The following NKX1-2 variants were observed in gnomAD, a reference collection of about 807,000 sequenced individuals.
NKX1-2 encodes the protein NK1 homeobox 2.
NKX1-2 carries 1 observed loss-of-function variant against 4.4 expected under a neutral mutation model. The ratio of observed to expected loss-of-function variants is 0.23; its 90% CI spans 0.08 to 1.08. NKX1-2 has a LOEUF of 1.08. NKX1-2 is among the 50% of genes least tolerant of loss of function. The probability of loss-of-function intolerance (pLI) is 0.55; values close to 1 mark genes in which losing one functional copy is unlikely to be tolerated. For synonymous variants in NKX1-2, 235 were observed against 228.0 expected (o/e 1.03, Z -0.28); for missense variants, 503 against 464.6 (o/e 1.08, Z -0.76).
At position 124,447,638 on chromosome 10, in the gene NKX1-2, C is replaced by CCGCCGCCCCT. The variant is rs1952253591; in HGVS notation, c.714_723dup (p.Gly242ArgfsTer156). ...CCCGAGCCGCCGCCGCCGCCGCCCC[C>CCGCCGCCCCT]CGCCGCCCCTGGCTGGGGCGCGCCA... On this transcript the variant is annotated frameshift_variant, in exon 2 of 2. Coordinates refer to ENST00000451024, the MANE Select transcript of NKX1-2 (RefSeq NM_001146340.3). LOFTEE classifies it low-confidence loss of function (END_TRUNC). 1 of 1,296,086 alleles carries CCGCCGCCCCT rather than the reference C, an allele frequency of 7.7e-7. No individual in the cohort carries two copies. 80.3% of individuals were successfully genotyped at this position (1,296,086 alleles called of 1,614,324 possible). A position where few individuals can be genotyped will look rare whatever the true frequency, so the allele number is the denominator to read the frequency against.
In NKX1-2 at chr10:124,445,883, A is replaced by G. The variant is rs928386515; in HGVS notation, c.*1546T>C. ...ATTTTCTATCATTCCTGATAACAGA[A>G]CTAGATATTTCAAGATCATAGTCAT... On this transcript the variant is annotated 3_prime_UTR_variant, in exon 2 of 2. Coordinates refer to ENST00000451024, the MANE Select transcript of NKX1-2 (RefSeq NM_001146340.3). 1 of 152,234 alleles carries G rather than the reference A, an allele frequency of 6.6e-6. No homozygotes were observed. Among genetic ancestry groups the G allele is most frequent in the Non-Finnish European group, 1.5e-5 (1 of 68,044 alleles). The allele number at this position is 152,234 out of a possible 1,614,324, so 9.4% of individuals were successfully genotyped here. A position where few individuals can be genotyped will look rare whatever the true frequency, so the allele number is the denominator to read the frequency against.
Position 124,449,714 on chromosome 10 carries a change from C to A in NKX1-2, c.214+16G>T. The A allele has an allele frequency of 6.5e-7, 1 of 1,540,738 alleles. No homozygotes were observed. The highest frequency in any genetic ancestry group is 2.4e-5 in the East Asian group (1 of 40,876). ...GGGCTGAGGCCTCCTGGGGCCGGGG[C>A]CGCCTTGCATCTTACCAGGGGTCTC... On this transcript the variant is annotated intron_variant, in intron 1 of 1. Coordinates refer to ENST00000451024, the MANE Select transcript of NKX1-2 (RefSeq NM_001146340.3). The surrounding 1 kb of genome is among the most constrained non-coding windows in gnomAD (Gnocchi z 7.5).
chr10:124,449,886 A>C lies in NKX1-2; in HGVS notation c.58T>G (p.Phe20Val), dbSNP rs1236000430. The C allele has an allele frequency of 5.2e-6, 8 of 1,550,900 alleles. No individual in the cohort carries two copies. The highest frequency in any genetic ancestry group is 6.1e-6 in the Non-Finnish European group (7 of 1,146,416). The change falls in exon 1 of 2, where the codon TTC (phenylalanine) becomes GTC (valine). Residue 20 changes from phenylalanine to valine, a missense_variant. Coordinates refer to ENST00000451024, the MANE Select transcript of NKX1-2 (RefSeq NM_001146340.3). The surrounding 1 kb of genome is among the most constrained non-coding windows in gnomAD (Gnocchi z 7.5). ...KAAPSHHKIS[F>V]SVLDILDPQK... ...GGGTCCAGGATGTCCAGGACAGAGA[A>C]AGAAATCTTGTGGTGGGAGGGAGCC...
rs559420137 is a variant in NKX1-2 at position 124,448,375 on chromosome 10, C to G, written c.215-228G>C. The G allele has an allele frequency of 5.7e-6, 3 of 528,258 alleles. No individual in the cohort carries two copies. Among genetic ancestry groups the G allele is most frequent in the East Asian group, 7.1e-5 (2 of 28,186 alleles). 32.7% of individuals were successfully genotyped at this position (528,258 alleles called of 1,614,324 possible). On this transcript the variant is annotated intron_variant, in intron 1 of 1. Coordinates refer to ENST00000451024, the MANE Select transcript of NKX1-2 (RefSeq NM_001146340.3). The surrounding 1 kb of genome is among the most constrained non-coding windows in gnomAD (Gnocchi z 4.1). The stretch of plus-strand genomic sequence containing the variant: ...ATCAAGTAGGCGTCCAAGAAATGTA[C>G]GCCAAATGAATGAATGACACCCCGC...
Position 124,447,626 on chromosome 10 carries a change from C to A in NKX1-2, c.736G>T (p.Gly246Cys). The A allele has an allele frequency of 7.8e-7, 1 of 1,279,592 alleles. No homozygotes were observed. The highest frequency in any genetic ancestry group is 9.9e-7 in the Non-Finnish European group (1 of 1,014,832). The allele number at this position is 1,279,592 out of a possible 1,614,324, so 79.3% of individuals were successfully genotyped here. A position where few individuals can be genotyped will look rare whatever the true frequency, so the allele number is the denominator to read the frequency against. ...CCAGGACTGCCCCCCGAGCCGCCGC[C>A]GCCGCCGCCCCCCGCCGCCCCTGGC... is the stretch of plus-strand genomic sequence containing the variant. Reference protein sequence around the residue: ...PQPGAAGGGGGGGSGGSPGPP... With the variant: ...PQPGAAGGGGCGGSGGSPGPP... The change falls in exon 2 of 2, where the codon GGC becomes TGC. Residue 246 changes from glycine to cysteine, a missense_variant. By Grantham distance (159) the Gly-to-Cys change is radical (BLOSUM62 -3). Coordinates refer to ENST00000451024, the MANE Select transcript of NKX1-2 (RefSeq NM_001146340.3).
Position 124,448,055 on chromosome 10 carries a change from G to A in NKX1-2, c.307C>T (p.Leu103=), listed in dbSNP as rs900819670. 1 of 1,520,790 alleles carries A rather than the reference G, an allele frequency of 6.6e-7. No homozygotes were observed. Among genetic ancestry groups the A allele is most frequent in the Non-Finnish European group, 8.8e-7 (1 of 1,139,560 alleles). 94.2% of individuals were successfully genotyped at this position (1,520,790 alleles called of 1,614,324 possible). Residue 103 remains leucine, a synonymous_variant, in exon 2 of 2, where the codon CTG becomes TTG. Coordinates refer to ENST00000451024, the MANE Select transcript of NKX1-2 (RefSeq NM_001146340.3). This position sits in a 1 kb window ranked among gnomAD's most constrained non-coding sequence, Gnocchi z 4.1. ...AGCAAGCGCGCAGCCCGCTCCCGCA[G>A]CCGCGGCCTCCTCGGATCCTCCGCA... ...EDAEDPRRPR[L]RERAARLLPG...
chr10:124,447,640 G>GCC lies in NKX1-2; in HGVS notation c.720_721dup (p.Ala241GlyfsTer45), dbSNP rs1952253673. On this transcript the variant is annotated frameshift_variant, in exon 2 of 2. Coordinates refer to ENST00000451024, the MANE Select transcript of NKX1-2 (RefSeq NM_001146340.3). LOFTEE classifies it low-confidence loss of function (END_TRUNC). ...CGAGCCGCCGCCGCCGCCGCCCCCCGCCGCCCCTGGCTGGGGCGCGCCACC... is the reference window on the plus strand; with the variant it reads ...CGAGCCGCCGCCGCCGCCGCCCCCCGCCCCGCCCCTGGCTGGGGCGCGCCACC... The GCC allele has an allele frequency of 7.7e-7, 1 of 1,299,098 alleles. No individual in the cohort carries two copies. The highest frequency in any genetic ancestry group is 9.8e-7 in the Non-Finnish European group (1 of 1,022,878). 80.5% of individuals were successfully genotyped at this position (1,299,098 alleles called of 1,614,324 possible). A position where few individuals can be genotyped will look rare whatever the true frequency, so the allele number is the denominator to read the frequency against.
rs1260550526 is a variant in NKX1-2 at position 124,449,699 on chromosome 10, C to A, written c.214+31G>T. ...CACTCCGCATTGTTGGGGCTGAGGC[C>A]TCCTGGGGCCGGGGCCGCCTTGCAT... is the stretch of plus-strand genomic sequence containing the variant. On this transcript the variant is annotated intron_variant, in intron 1 of 1. Coordinates refer to ENST00000451024, the MANE Select transcript of NKX1-2 (RefSeq NM_001146340.3). This position sits in a 1 kb window ranked among gnomAD's most constrained non-coding sequence, Gnocchi z 7.5. The A allele has an allele frequency of 2.7e-6, 4 of 1,503,808 alleles. No homozygotes were observed. The highest frequency in any genetic ancestry group is 2.4e-5 in the South Asian group (2 of 83,156). The allele number at this position is 1,503,808 out of a possible 1,614,324, so 93.2% of individuals were successfully genotyped here.
At position 124,446,345 on chromosome 10, in the gene NKX1-2, G is replaced by C. The variant is rs1280636140; in HGVS notation, c.*1084C>G. 1 of 152,132 alleles carries C rather than the reference G, an allele frequency of 6.6e-6. No individual in the cohort carries two copies. Among genetic ancestry groups the C allele is most frequent in the Admixed American group, 6.6e-5 (1 of 15,252 alleles). The allele number at this position is 152,132 out of a possible 1,614,324, so 9.4% of individuals were successfully genotyped here. A position where few individuals can be genotyped will look rare whatever the true frequency, so the allele number is the denominator to read the frequency against. Reference sequence around the variant, plus strand: ...GTTCACCACCATAAAGAGTCTGTTTGTAACAAGAATTGTTTTCAAGTCAGA... The same window carrying C: ...GTTCACCACCATAAAGAGTCTGTTTCTAACAAGAATTGTTTTCAAGTCAGA... On this transcript the variant is annotated 3_prime_UTR_variant, in exon 2 of 2. Coordinates refer to ENST00000451024, the MANE Select transcript of NKX1-2 (RefSeq NM_001146340.3).
In NKX1-2 at chr10:124,448,543, TAAA is replaced by T. The variant is rs992693571; in HGVS notation, c.215-399_215-397del. On this transcript the variant is annotated intron_variant, in intron 1 of 1. Transcript: ENST00000451024. This position sits in a 1 kb window ranked among gnomAD's most constrained non-coding sequence, Gnocchi z 4.1. ...ATTTTGATCTAGGACTCCCAGCAATTAAAAAAGAAGTTATTAAGCTCTCTGCCC... is the reference window on the plus strand; with the variant it reads ...ATTTTGATCTAGGACTCCCAGCAATTAAAGAAGTTATTAAGCTCTCTGCCC... 6.2e-6 allele frequency: 1 copy of T among 161,266 alleles called. No homozygotes were observed. The highest frequency in any genetic ancestry group is 1.3e-5 in the Non-Finnish European group (1 of 74,656). 10.0% of individuals were successfully genotyped at this position (161,266 alleles called of 1,614,324 possible).
chr10:124,448,471 A>C lies in NKX1-2; in HGVS notation c.215-324T>G. 1 of 230,302 alleles carries C rather than the reference A, an allele frequency of 4.3e-6. No individual in the cohort carries two copies. The highest frequency in any genetic ancestry group is 8.5e-5 in the East Asian group (1 of 11,696). The allele number at this position is 230,302 out of a possible 1,614,324, so 14.3% of individuals were successfully genotyped here. A position where few individuals can be genotyped will look rare whatever the true frequency, so the allele number is the denominator to read the frequency against. ...AGGATCATTGTATTAAGACATCTAG[A>C]TGTCAAACGCTTTTAGGGCTGTGCC... On this transcript the variant is annotated intron_variant, in intron 1 of 1. Transcript: ENST00000451024. The surrounding 1 kb of genome is among the most constrained non-coding windows in gnomAD (Gnocchi z 4.1).
rs1339732875 is a variant in NKX1-2 at position 124,449,956 on chromosome 10, C to T, written c.-13G>A. ...GCCATGCCAGCATGCCCGTCGCCCACGGGCCGGCGGTCGGCGGCGCGGGGT... is the reference window on the plus strand; with the variant it reads ...GCCATGCCAGCATGCCCGTCGCCCATGGGCCGGCGGTCGGCGGCGCGGGGT... On this transcript the variant is annotated 5_prime_UTR_variant, in exon 1 of 2. It adds an upstream start codon to the 5' untranslated region. Transcript: ENST00000451024. This position sits in a 1 kb window ranked among gnomAD's most constrained non-coding sequence, Gnocchi z 7.5. The T allele has an allele frequency of 2.6e-6, 4 of 1,519,200 alleles. No homozygotes were observed. Among genetic ancestry groups the T allele is most frequent in the South Asian group, 2.4e-5 (2 of 81,636 alleles). 94.1% of individuals were successfully genotyped at this position (1,519,200 alleles called of 1,614,324 possible).
chr10:124,449,478 A>C lies in NKX1-2; in HGVS notation c.214+252T>G. On this transcript the variant is annotated intron_variant, in intron 1 of 1. Transcript: ENST00000451024. This position sits in a 1 kb window ranked among gnomAD's most constrained non-coding sequence, Gnocchi z 7.5. Reference sequence around the variant, plus strand: ...CGCCAGGTAAGTTTCCACCGCGAGCATCAGAACTGTGGTGCGGGTGAGCTT... The same window carrying C: ...CGCCAGGTAAGTTTCCACCGCGAGCCTCAGAACTGTGGTGCGGGTGAGCTT... 1 of 690,394 alleles carries C rather than the reference A, an allele frequency of 1.4e-6. No homozygotes were observed. The highest frequency in any genetic ancestry group is 2.0e-5 in the Admixed American group (1 of 49,586). 42.8% of individuals were successfully genotyped at this position (690,394 alleles called of 1,614,324 possible).
In NKX1-2 at chr10:124,448,844, G is replaced by C. The variant is rs1436642230; in HGVS notation, c.215-697C>G. On this transcript the variant is annotated intron_variant, in intron 1 of 1. Coordinates refer to ENST00000451024, the MANE Select transcript of NKX1-2 (RefSeq NM_001146340.3). This position sits in a 1 kb window ranked among gnomAD's most constrained non-coding sequence, Gnocchi z 4.1. ...GGGCGGCCCCTCGGAGAGAAGATCC[G>C]AACAATTACCAGGCCGCCTGCCTGG... Among the ~76,000 whole-genome samples the C allele has an allele frequency of 3.3e-5, 5 of 152,174 alleles. No homozygotes were observed. The highest frequency in any genetic ancestry group is 7.4e-5 in the Non-Finnish European group (5 of 68,026).
chr10:124,449,495 G>A lies in NKX1-2; in HGVS notation c.214+235C>T, dbSNP rs1228243260. On this transcript the variant is annotated intron_variant, in intron 1 of 1. Coordinates refer to ENST00000451024, the MANE Select transcript of NKX1-2 (RefSeq NM_001146340.3). The surrounding 1 kb of genome is among the most constrained non-coding windows in gnomAD (Gnocchi z 7.5). ...CCGCGAGCATCAGAACTGTGGTGCG[G>A]GTGAGCTTGGCGGGTGAGCAGGGAT... 14 of 694,900 alleles carry A rather than the reference G, an allele frequency of 2.0e-5. No individual in the cohort carries two copies. The highest frequency in any genetic ancestry group is 3.7e-5 in the Non-Finnish European group (14 of 380,580). 43.0% of individuals were successfully genotyped at this position (694,900 alleles called of 1,614,324 possible). A position where few individuals can be genotyped will look rare whatever the true frequency, so the allele number is the denominator to read the frequency against.
In NKX1-2 at chr10:124,448,246, G is replaced by A; in HGVS notation, c.215-99C>T. On this transcript the variant is annotated intron_variant, in intron 1 of 1. Transcript: ENST00000451024. The surrounding 1 kb of genome is among the most constrained non-coding windows in gnomAD (Gnocchi z 4.1). ...GCAGCTGTCCCCCCAACCCAACTCT[G>A]GGTGCTGCTCCTGTCCCCACATCGC... 1 of 1,339,748 alleles carries A rather than the reference G, an allele frequency of 7.5e-7. No homozygotes were observed. The highest frequency in any genetic ancestry group is 9.5e-7 in the Non-Finnish European group (1 of 1,049,612). 83.0% of individuals were successfully genotyped at this position (1,339,748 alleles called of 1,614,324 possible).
chr10:124,448,159 G>A lies in NKX1-2; in HGVS notation c.215-12C>T. 6.9e-7 allele frequency: 1 copy of A among 1,448,818 alleles called. No individual in the cohort carries two copies. Among genetic ancestry groups the A allele is most frequent in the Non-Finnish European group, 9.0e-7 (1 of 1,108,474 alleles). The allele number at this position is 1,448,818 out of a possible 1,614,324, so 89.7% of individuals were successfully genotyped here. On this transcript the variant is annotated splice_polypyrimidine_tract_variant and intron_variant, in intron 1 of 1. Transcript: ENST00000451024. The surrounding 1 kb of genome is among the most constrained non-coding windows in gnomAD (Gnocchi z 4.1). ...TGGGCCCGCAGCATCTAGGGGAGAA[G>A]GGGTCGGTGAACAGAAGCCTCTCCA...
Position 124,449,769 on chromosome 10 carries a change from CA to C in NKX1-2, c.174del (p.Asp58GlufsTer57), listed in dbSNP as rs1445251493. 12 of 1,551,552 alleles carry C rather than the reference CA, an allele frequency of 7.7e-6. No homozygotes were observed. The highest frequency in any genetic ancestry group is 1.4e-5 in the African/African-American group (1 of 73,060). On this transcript the variant is annotated frameshift_variant, in exon 1 of 2. Transcript: ENST00000451024. LOFTEE classifies it low-confidence loss of function (END_TRUNC). This position sits in a 1 kb window ranked among gnomAD's most constrained non-coding sequence, Gnocchi z 7.5. ...KSLAEVEAGK[D>X]ASSRDPVRQL... ...TGTCGGACAGGGTCCCTGGAGCTGG[CA>C]TCTTTCCCCGCTTCGACCTCCGCCA...
chr10:124,447,282 T>G lies in NKX1-2; in HGVS notation c.*147A>C. The stretch of plus-strand genomic sequence containing the variant: ...GAAGGACGGCAGATCCCTGACCCCT[T>G]GGTGGCCCGCGAGGATCGCGGGTGC... On this transcript the variant is annotated 3_prime_UTR_variant, in exon 2 of 2. Transcript: ENST00000451024. 2 of 435,986 alleles carry G rather than the reference T, an allele frequency of 4.6e-6. No individual in the cohort carries two copies. The highest frequency in any genetic ancestry group is 7.4e-6 in the Non-Finnish European group (2 of 269,662). The allele number at this position is 435,986 out of a possible 1,614,324, so 27.0% of individuals were successfully genotyped here.
Sources: allele counts gnomAD v4.1 joint callset (sites outside exome capture counted in the v4.1 genomes callset), GRCh38; gene constraint gnomAD v4.1.1; non-coding constraint Gnocchi (gnomAD v3.1); transcripts MANE v1.5; gene names NCBI Gene and HGNC (gene_info 2026-07-23, HGNC 2026-07-21).